The following LIPC variants were observed in gnomAD, a reference collection of about 807,000 sequenced individuals.
LIPC encodes lipase C, hepatic type.
A neutral mutation model predicts 50.7 loss-of-function variants in LIPC; 44 were observed. That is an observed-to-expected ratio of 0.87 (90% confidence interval 0.68 to 1.11). The LOEUF (loss-of-function observed/expected upper bound fraction) is 1.11, where lower values mean the gene tolerates loss of function less well. Among genes scored for constraint, LIPC ranks in the 50% most tolerant of loss-of-function variants. The pLI is 0.00. For missense variants in LIPC, 697 were observed against 648.2 expected, an observed-to-expected ratio of 1.08 and a Z score of -0.82; for synonymous variants, 271 against 256.4, an observed-to-expected ratio of 1.06 and a Z score of -0.54.
intron 1 of LIPC, among the ~76,000 whole-genome samples, chr15:58,536,029 A>C (rs567401205): frequency 2.8e-4 from 42 of 152,320 alleles, no homozygotes; most frequent in Admixed American, 2.4e-3. Flanking sequence ...GCTACCCTCC[A>C]TGAGTTCGCT....
intron 1 of LIPC, among the ~76,000 whole-genome samples, chr15:58,433,274 T>G (rs1327613112): frequency 1.3e-5 from 2 of 152,328 alleles, no homozygotes; most frequent in East Asian, 1.9e-4. Context: ...CCCGGAATGT[T>G]GTATTTGTTT....
intron 1 of LIPC, among the ~76,000 whole-genome samples, chr15:58,534,915 G>T (rs1324685903): frequency 6.6e-6 from 1 of 152,140 alleles, no homozygotes; most frequent in East Asian, 1.9e-4. Flanking sequence ...GTTCTTCCAT[G>T]TCATGCCCAC....
chr15:58,462,443 C>A (rs1307088515), intron 1 of LIPC, among the ~76,000 whole-genome samples: 1 of 152,148 alleles, frequency 6.6e-6, no homozygotes, highest in Non-Finnish European at 1.5e-5. Flanking sequence ...CTTTCAGCAC[C>A]TTTTTGAAGA....
At chr15:58,457,986 A>G (rs148833821) in intron 1 of LIPC, among the ~76,000 whole-genome samples, 2 of 152,330 alleles carry the variant, frequency 1.3e-5, no homozygotes, top group African/African-American at 4.8e-5. Context: ...ATACCAGTTT[A>G]TACTTTTTCT....
intron 1 of LIPC, among the ~76,000 whole-genome samples, chr15:58,468,220 G>A (rs1182269516): frequency 2.0e-5 from 3 of 152,092 alleles, no homozygotes; most frequent in African/African-American, 7.2e-5. Context: ...ATGAATCATG[G>A]ACCTGAACCC....
At chr15:58,552,767 T>A (rs41292510) in intron 6 of LIPC, among the ~76,000 whole-genome samples, 3,072 of 152,326 alleles carry the variant, frequency 0.02, 93 homozygotes, top group African/African-American at 0.068. Flanking sequence ...GGGGGTGTCG[T>A]AGACAGCACA....
intron 1 of LIPC, among the ~76,000 whole-genome samples, chr15:58,468,847 A>G (rs1246437202): frequency 2.6e-5 from 4 of 152,108 alleles, no homozygotes; most frequent in African/African-American, 9.7e-5. Context: ...GTGTTTAACA[A>G]CCCAGGTCCA....
Position 58,487,174 on chromosome 15 carries a change from G to A in LIPC, c.89-51159G>A, listed in dbSNP as rs534058818. Among the ~76,000 whole-genome samples, 5 of 152,330 alleles carry A rather than the reference G, an allele frequency of 3.3e-5. No homozygotes were observed. In the East Asian group the frequency reaches 7.7e-4, roughly 23 times the overall value. On this transcript the variant is annotated intron_variant, in intron 1 of 8. Coordinates refer to ENST00000299022, the MANE Select transcript of LIPC (RefSeq NM_000236.3). ...AAGTACTTATGAGATTTTCAAAGGTGGTTCTTACACACTAACTTAAGAGTC... is the reference window on the plus strand; with the variant it reads ...AAGTACTTATGAGATTTTCAAAGGTAGTTCTTACACACTAACTTAAGAGTC...
At chr15:58,532,763 G>A (rs1270777722) in intron 1 of LIPC, among the ~76,000 whole-genome samples, 2 of 152,134 alleles carry the variant, frequency 1.3e-5, no homozygotes, top group Non-Finnish European at 2.9e-5. Context: ...CCCATGGAAG[G>A]TGCCCCACCT....
In LIPC at chr15:58,541,982, C is replaced by T. The variant is rs748573525; in HGVS notation, c.456+15C>T. ...GGTGGCTGGAGGTACCGACCTGCCC[C>T]ATCCTTCCTTCACCTCCCTTCCCTC... is the stretch of plus-strand genomic sequence containing the variant. On this transcript the variant is annotated intron_variant, in intron 3 of 8. Coordinates refer to ENST00000299022, the MANE Select transcript of LIPC (RefSeq NM_000236.3). 13 of 1,601,844 alleles carry T rather than the reference C, an allele frequency of 8.1e-6. No individual in the cohort carries two copies. Among genetic ancestry groups the T allele is most frequent in the African/African-American group, 1.3e-5 (1 of 74,554 alleles).
chr15:58,549,952 T>C (rs373959314), intron 6 of LIPC, among the ~76,000 whole-genome samples: 1 of 152,230 alleles, frequency 6.6e-6, no homozygotes, highest in Non-Finnish European at 1.5e-5. Flanking sequence ...TAAATGGCAA[T>C]GCCGCCTGGA....
chr15:58,484,815 G>C (rs192878435), intron 1 of LIPC, among the ~76,000 whole-genome samples: 1 of 152,332 alleles, frequency 6.6e-6, no homozygotes, highest in Non-Finnish European at 1.5e-5. Flanking sequence ...GAATGCTACA[G>C]AACACATTGA....
intron 1 of LIPC, among the ~76,000 whole-genome samples, chr15:58,529,991 G>A (rs1171956020): frequency 6.6e-6 from 1 of 152,252 alleles, no homozygotes; most frequent in East Asian, 1.9e-4. Context: ...TTGCTTACCT[G>A]TGGAATTCTA....
At chr15:58,553,460 G>A (rs1324400204) in intron 6 of LIPC, among the ~76,000 whole-genome samples, 1 of 152,184 alleles carries the variant, frequency 6.6e-6, no homozygotes, top group African/African-American at 2.4e-5. Context: ...GCCAGGTAGA[G>A]TGGTGCATGT....
At chr15:58,512,934 A>T (rs1892374279) in intron 1 of LIPC, among the ~76,000 whole-genome samples, 1 of 151,580 alleles carries the variant, frequency 6.6e-6, no homozygotes, top group Non-Finnish European at 1.5e-5. Context: ...CATCTCCATT[A>T]TATTGGGCAA....
chr15:58,540,531 A>G (rs1222018174), intron 2 of LIPC, among the ~76,000 whole-genome samples: 1 of 152,226 alleles, frequency 6.6e-6, no homozygotes, highest in African/African-American at 2.4e-5. Flanking sequence ...CTCCATGCAC[A>G]TAGAAGGCAC....
At chr15:58,516,062 C>T (rs1268204260) in intron 1 of LIPC, among the ~76,000 whole-genome samples, 1 of 152,092 alleles carries the variant, frequency 6.6e-6, no homozygotes. Flanking sequence ...GAGTTTCCAT[C>T]CCAACATCTA....
chr15:58,477,025 CTTCATCCATG>C (rs1350434684), intron 1 of LIPC, among the ~76,000 whole-genome samples: 1 of 152,216 alleles, frequency 6.6e-6, no homozygotes, highest in Non-Finnish European at 1.5e-5. Flanking sequence ...TGCCTTCCCA[CTTCATCCATG>C]TTTGCTAAGC....
intron 1 of LIPC, among the ~76,000 whole-genome samples, chr15:58,447,830 C>T (rs1196058068): frequency 6.6e-6 from 1 of 152,202 alleles, no homozygotes; most frequent in African/African-American, 2.4e-5. Flanking sequence ...CACAAAACAA[C>T]TTCTCATTTC....
Sources: allele counts gnomAD v4.1 joint callset (sites outside exome capture counted in the v4.1 genomes callset), GRCh38; gene constraint gnomAD v4.1.1; transcripts MANE v1.5; gene names NCBI Gene and HGNC (gene_info 2026-07-23, HGNC 2026-07-21).